Variants in GNG12 observed in about 807,000 individuals in gnomAD.
GNG12 encodes the protein guanine nucleotide-binding protein G(I)/G(S)/G(O) subunit gamma-12.
For synonymous variants in GNG12, 28 were observed against 29.7 expected, an observed-to-expected ratio of 0.94 and a Z score of 0.19; for missense variants, 69 against 83.8, an observed-to-expected ratio of 0.82 and a Z score of 0.69.
intron 2 of GNG12, among the ~76,000 whole-genome samples, chr1:67,737,605 ACTTT>A: frequency 1.3e-5 from 2 of 148,978 alleles, no homozygotes; most frequent in East Asian, 3.9e-4. Context: ...CAATATGAAG[ACTTT>A]CTTTTTTTTT....
chr1:67,829,200 A>G (rs1184374144), intron 1 of GNG12, among the ~76,000 whole-genome samples: 1 of 152,216 alleles, frequency 6.6e-6, no homozygotes, highest in African/African-American at 2.4e-5. Context: ...ATAATTTTTA[A>G]GCTAGCTGTA....
intron 2 of GNG12, among the ~76,000 whole-genome samples, chr1:67,713,021 G>A (rs539704357): frequency 6.6e-6 from 1 of 152,276 alleles, no homozygotes; most frequent in Admixed American, 6.5e-5. Flanking sequence ...GAGCCACCAC[G>A]CCTGGCCCAC....
In GNG12 at chr1:67,715,365, G is replaced by A. The variant is rs138386083; in HGVS notation, c.-26-7653C>T. ...CTGGTCTGTGGCAGTTTGTTATGGC[G>A]TTCCTAGCACACTATCACACTCAGG... On this transcript the variant is annotated intron_variant, in intron 2 of 3. Transcript: ENST00000370982. Among the ~76,000 whole-genome samples, 25 of 152,324 alleles carry A rather than the reference G, an allele frequency of 1.6e-4. No individual in the cohort carries two copies. In the Middle Eastern group the frequency reaches 0.014, roughly 83 times the overall value.
intron 2 of GNG12, among the ~76,000 whole-genome samples, chr1:67,713,064 C>T (rs374828119): frequency 2.4e-4 from 37 of 152,178 alleles, no homozygotes; most frequent in South Asian, 6.2e-4. Flanking sequence ...GACTGACACG[C>T]GGTGACCTAA....
At chr1:67,783,646 G>A (rs1369677612) in intron 1 of GNG12, among the ~76,000 whole-genome samples, 3 of 152,134 alleles carry the variant, frequency 2.0e-5, no homozygotes, top group Non-Finnish European at 2.9e-5. Context: ...CCATCAAAAA[G>A]TGGGCGAAGG....
chr1:67,785,913 A>C (rs1158851955), intron 1 of GNG12, among the ~76,000 whole-genome samples: 5 of 152,184 alleles, frequency 3.3e-5, no homozygotes, highest in Non-Finnish European at 5.9e-5. Flanking sequence ...CTTATTTCTC[A>C]AAAATTCTCT....
intron 2 of GNG12, among the ~76,000 whole-genome samples, chr1:67,768,240 A>T (rs1646653213): frequency 6.6e-6 from 1 of 152,234 alleles, no homozygotes; most frequent in Non-Finnish European, 1.5e-5. Flanking sequence ...TGATGCAGAA[A>T]TTGAGGCTTT....
Position 67,703,497 on chromosome 1 carries a change from T to C in GNG12, c.*1954A>G, listed in dbSNP as rs1047136853. On this transcript the variant is annotated 3_prime_UTR_variant, in exon 4 of 4. Coordinates refer to ENST00000370982, the MANE Select transcript of GNG12 (RefSeq NM_018841.6). ...AGTGTTCTGAAACTGAGTAGAAAAATAGACTTATAAAAAAAAGAATGTCTC... is the reference window on the plus strand; with the variant it reads ...AGTGTTCTGAAACTGAGTAGAAAAACAGACTTATAAAAAAAAGAATGTCTC... 2.6e-5 allele frequency: 4 copies of C among 151,970 alleles called. No individual in the cohort carries two copies. The highest frequency in any genetic ancestry group is 7.2e-5 in the African/African-American group (3 of 41,390). The allele number at this position is 151,970 out of a possible 1,614,324, so 9.4% of individuals were successfully genotyped here. A position where few individuals can be genotyped will look rare whatever the true frequency, so the allele number is the denominator to read the frequency against.
At chr1:67,744,295 G>T (rs906410022) in intron 2 of GNG12, among the ~76,000 whole-genome samples, 6 of 152,110 alleles carry the variant, frequency 3.9e-5, no homozygotes, top group Admixed American at 3.3e-4. Context: ...CTTAAATGCT[G>T]GTTCCCCGGG....
chr1:67,754,602 C>A (rs1240499951), intron 2 of GNG12, among the ~76,000 whole-genome samples: 1 of 152,142 alleles, frequency 6.6e-6, no homozygotes, highest in Non-Finnish European at 1.5e-5. Context: ...ACTCTGCACA[C>A]CCAAAGTGAT....
chr1:67,810,122 A>G (rs1276109957), intron 1 of GNG12, among the ~76,000 whole-genome samples: 1 of 152,218 alleles, frequency 6.6e-6, no homozygotes, highest in East Asian at 1.9e-4. Flanking sequence ...TAAAAGACAC[A>G]GAGGAAACTT....
chr1:67,779,825 A>C (rs1257791012), intron 1 of GNG12, among the ~76,000 whole-genome samples: 1 of 152,208 alleles, frequency 6.6e-6, no homozygotes, highest in Non-Finnish European at 1.5e-5. Flanking sequence ...ACAAACCTAG[A>C]GGGTACAGCC....
At chr1:67,828,809 T>C (rs1647026187) in intron 1 of GNG12, among the ~76,000 whole-genome samples, 1 of 152,192 alleles carries the variant, frequency 6.6e-6, no homozygotes, top group Non-Finnish European at 1.5e-5. Context: ...CAAATATTCT[T>C]CATGAAGATC....
intron 1 of GNG12, among the ~76,000 whole-genome samples, chr1:67,793,850 T>A (rs1646815134): frequency 6.6e-6 from 1 of 152,242 alleles, no homozygotes; most frequent in African/African-American, 2.4e-5. Flanking sequence ...TTGTTAACAG[T>A]TCTTTGACCA....
At chr1:67,781,483 C>T (rs941983696) in intron 1 of GNG12, among the ~76,000 whole-genome samples, 1 of 152,024 alleles carries the variant, frequency 6.6e-6, no homozygotes, top group Non-Finnish European at 1.5e-5. Context: ...ACATTGTAAT[C>T]GGGGACAGCA....
chr1:67,783,639 T>C (rs935812550), intron 1 of GNG12, among the ~76,000 whole-genome samples: 1 of 151,864 alleles, frequency 6.6e-6, no homozygotes, highest in Non-Finnish European at 1.5e-5. Flanking sequence ...AACAACCCCA[T>C]CAAAAAGTGG....
intron 2 of GNG12, among the ~76,000 whole-genome samples, chr1:67,776,409 CCT>C (rs1223095064): frequency 6.6e-6 from 1 of 152,110 alleles, no homozygotes; most frequent in Non-Finnish European, 1.5e-5. Flanking sequence ...CCCTGTAGCT[CCT>C]CTGTCATATA....
chr1:67,726,919 G>A (rs1646389708), intron 2 of GNG12, among the ~76,000 whole-genome samples: 1 of 152,136 alleles, frequency 6.6e-6, no homozygotes, highest in Admixed American at 6.6e-5. Context: ...GGTTTCAAAA[G>A]CCGCTCCTCT....
chr1:67,831,443 AAC>A (rs759381907), intron 1 of GNG12, among the ~76,000 whole-genome samples: 1 of 152,206 alleles, frequency 6.6e-6, no homozygotes, highest in Non-Finnish European at 1.5e-5. Flanking sequence ...GCTCTTGTGA[AAC>A]ACAGATTCAC....
Sources: allele counts gnomAD v4.1 joint callset (sites outside exome capture counted in the v4.1 genomes callset), GRCh38; gene constraint gnomAD v4.1.1; transcripts MANE v1.5; gene names NCBI Gene and HGNC (gene_info 2026-07-23, HGNC 2026-07-21).